DLGAP1: variants seen among roughly 807,000 people sequenced by gnomAD.
DLGAP1 encodes the protein DLG associated protein 1.
In DLGAP1, 11 loss-of-function variants were observed where a neutral mutation model predicts 90.8. That is an observed-to-expected ratio of 0.12 (90% CI 0.08 to 0.20). The LOEUF (loss-of-function observed/expected upper bound fraction) is 0.20, where lower values mean the gene tolerates loss of function less well. DLGAP1 is among the 10% of genes least tolerant of loss of function. DLGAP1 has a pLI of 1.00. For missense variants in DLGAP1, 1,050 were observed against 1,333.8 expected, an observed-to-expected ratio of 0.79 and a Z score of 3.31; for synonymous variants, 558 against 540.7, an observed-to-expected ratio of 1.03 and a Z score of -0.44.
At chr18:4,440,326 T>C (rs1030373923) in intron 1 of DLGAP1, among the ~76,000 whole-genome samples, 6 of 152,242 alleles carry the variant, frequency 3.9e-5, no homozygotes, top group African/African-American at 1.2e-4. Flanking sequence ...GAATGACTAA[T>C]AGAATATTTT....
At chr18:4,215,506 C>T (rs1195254762) in intron 1 of DLGAP1, among the ~76,000 whole-genome samples, 2 of 152,128 alleles carry the variant, frequency 1.3e-5, no homozygotes, top group East Asian at 1.9e-4. Flanking sequence ...GTGTTTTCAC[C>T]GAATAGATCT....
chr18:4,049,912 GTCCATCCATCCA>G lies in DLGAP1; in HGVS notation c.-158-44723_-158-44712del, dbSNP rs57986910. ...TATCTACCTATGTATCCATCCAACGGTCCATCCATCCATCCATCCATCCATCCATCCATCCAT... is the reference window on the plus strand; with the variant it reads ...TATCTACCTATGTATCCATCCAACGGTCCATCCATCCATCCATCCATCCAT... On this transcript the variant is annotated intron_variant, in intron 2 of 12. Coordinates refer to ENST00000315677, the MANE Select transcript of DLGAP1 (RefSeq NM_004746.4). Among the ~76,000 whole-genome samples the G allele has an allele frequency of 1.3e-3, 192 of 148,812 alleles. 1 individual carries two copies. Among genetic ancestry groups the G allele is most frequent in the Middle Eastern group, 3.5e-3 (1 of 286 alleles).
intron 7 of DLGAP1, among the ~76,000 whole-genome samples, chr18:3,618,549 T>G (rs1202135200): frequency 1.4e-5 from 2 of 147,896 alleles, no homozygotes; most frequent in African/African-American, 5.0e-5. Flanking sequence ...TAGCCATAAA[T>G]GTTGCTATTT....
chr18:4,031,929 G>A (rs1342901458), intron 2 of DLGAP1, among the ~76,000 whole-genome samples: 1 of 152,122 alleles, frequency 6.6e-6, no homozygotes, highest in Non-Finnish European at 1.5e-5. Context: ...TGGTGGCTAT[G>A]GTCATATGAC....
chr18:3,845,657 T>C lies in DLGAP1; in HGVS notation c.958-31384A>G, dbSNP rs796278118. ...GCTATTGATCACTTTGCAGCCCATA[T>C]AGGGGGTAACGTATATTCTGTCAAA... On this transcript the variant is annotated intron_variant, in intron 4 of 12. Transcript: ENST00000315677. 1.2e-5 allele frequency: 11 copies of C among 951,798 alleles called. No homozygotes were observed. In the African/African-American group the frequency reaches 1.6e-4, roughly 14 times the overall value. 59.0% of individuals were successfully genotyped at this position (951,798 alleles called of 1,614,324 possible). A position where few individuals can be genotyped will look rare whatever the true frequency, so the allele number is the denominator to read the frequency against.
chr18:3,880,613 C>G (rs1001978306), intron 3 of DLGAP1, among the ~76,000 whole-genome samples: 1 of 151,988 alleles, frequency 6.6e-6, no homozygotes, highest in African/African-American at 2.4e-5. Context: ...GACTCCAAAG[C>G]CTGTAGGGAG....
At chr18:3,869,190 C>T (rs573629396) in intron 4 of DLGAP1, among the ~76,000 whole-genome samples, 41 of 148,466 alleles carry the variant, frequency 2.8e-4, no homozygotes, top group Non-Finnish European at 5.5e-4. Context: ...TACACTAAAG[C>T]TTGAAGAAGC....
intron 6 of DLGAP1, 107 bp downstream of exon 6, chr18:3,742,228 A>G (rs544886711): frequency 1.6e-5 from 21 of 1,351,332 alleles, no homozygotes; most frequent in East Asian, 7.1e-5. Flanking sequence ...TGATCCATCA[A>G]TGGTCTACTG....
intron 7 of DLGAP1, among the ~76,000 whole-genome samples, chr18:3,677,583 GT>G (rs1436272163): frequency 6.6e-6 from 1 of 152,238 alleles, no homozygotes; most frequent in Non-Finnish European, 1.5e-5. Flanking sequence ...AGAGATCCAT[GT>G]TTCTAGCGTG....
At chr18:4,207,535 C>T (rs891865086) in intron 1 of DLGAP1, among the ~76,000 whole-genome samples, 3 of 152,240 alleles carry the variant, frequency 2.0e-5, no homozygotes, top group Admixed American at 6.5e-5. Context: ...AAGGCTTCAA[C>T]GGAATTTACC....
chr18:4,102,499 C>T (rs1598404951), intron 2 of DLGAP1, among the ~76,000 whole-genome samples: 1 of 152,060 alleles, frequency 6.6e-6, no homozygotes, highest in Admixed American at 6.5e-5. Flanking sequence ...CCTTGAGCAC[C>T]TATGAGAAGA....
chr18:4,397,671 G>T (rs1055553078), intron 1 of DLGAP1, among the ~76,000 whole-genome samples: 2 of 152,052 alleles, frequency 1.3e-5, no homozygotes, highest in African/African-American at 4.8e-5. Flanking sequence ...CCTGAATCTG[G>T]AATTATTTGA....
chr18:3,748,288 G>C (rs1465133167), intron 5 of DLGAP1, among the ~76,000 whole-genome samples: 1 of 152,202 alleles, frequency 6.6e-6, no homozygotes. Context: ...TTTGTATCCG[G>C]AAGGCTGCCA....
intron 2 of DLGAP1, among the ~76,000 whole-genome samples, chr18:4,095,878 A>AAGG (rs1265471568): frequency 6.6e-6 from 1 of 152,012 alleles, no homozygotes; most frequent in African/African-American, 2.4e-5. Context: ...CCTTAGAAAG[A>AAGG]AGGAGGGGTA....
rs1004149682 is a variant in DLGAP1 at position 3,544,753 on chromosome 18, T to G, written c.2058-10138A>C. 5.3e-5 allele frequency among the ~76,000 whole-genome samples: 8 copies of G among 151,646 alleles called. 2 individuals carry two copies. The highest frequency in any genetic ancestry group is 1.9e-4 in the East Asian group (1 of 5,150). On this transcript the variant is annotated intron_variant, in intron 9 of 12. Transcript: ENST00000315677. ...TTTATTTATTTATTTATTTATTTATTTTTGAGACAAGGTCTGGCACTGTCG... is the reference window on the plus strand; with the variant it reads ...TTTATTTATTTATTTATTTATTTATGTTTGAGACAAGGTCTGGCACTGTCG...
intron 4 of DLGAP1, among the ~76,000 whole-genome samples, chr18:3,853,479 C>G (rs560590433): frequency 6.6e-6 from 1 of 151,856 alleles, no homozygotes; most frequent in Admixed American, 6.6e-5. Flanking sequence ...CTACAGTATT[C>G]AGCACAGTAA....
At position 3,864,482 on chromosome 18, in the gene DLGAP1, A is replaced by C. The variant is rs185514410; in HGVS notation, c.957+14630T>G. 1.1e-3 allele frequency among the ~76,000 whole-genome samples: 174 copies of C among 152,322 alleles called. 1 individual carries two copies. Among genetic ancestry groups the C allele is most frequent in the African/African-American group, 3.9e-3 (161 of 41,568 alleles). ...ACATGCCATATTAGGACTAACCCTT[A>C]TTTTAAATTAACTTCATCTGGGCTT... On this transcript the variant is annotated intron_variant, in intron 4 of 12. Transcript: ENST00000315677.
intron 3 of DLGAP1, chr18:3,962,281 T>G (rs1222889298): frequency 6.6e-6 from 1 of 152,214 alleles, no homozygotes; most frequent in Non-Finnish European, 1.5e-5. Context: ...GTCCAATCAC[T>G]CATCGTTTCT....
intron 7 of DLGAP1, among the ~76,000 whole-genome samples, chr18:3,715,990 G>T (rs913827378): frequency 1.3e-5 from 2 of 152,152 alleles, no homozygotes; most frequent in Admixed American, 6.5e-5. Flanking sequence ...GCAAGGGAAA[G>T]AATATTTTTT....
Sources: allele counts gnomAD v4.1 joint callset (sites outside exome capture counted in the v4.1 genomes callset), GRCh38; gene constraint gnomAD v4.1.1; transcripts MANE v1.5; gene names NCBI Gene and HGNC (gene_info 2026-07-23, HGNC 2026-07-21).